Variants in CHLSN observed in about 807,000 individuals in gnomAD.
The protein encoded by CHLSN is cholesin.
At chr7:1,028,759 C>T in the CHLSN span, 1 of 849,688 alleles carries the variant, frequency 1.2e-6, no homozygotes, top group Non-Finnish European at 1.4e-6. Context: ...CCAGTCTGTC[C>T]CCATCTCCCC....
At chr7:1,090,424 C>T in the CHLSN span, among the ~76,000 whole-genome samples, 13 of 152,162 alleles carry the variant, frequency 8.5e-5, no homozygotes, top group Admixed American at 4.6e-4. Context: ...CGGGGTGACA[C>T]GGGGCAGGTG....
the CHLSN span, among the ~76,000 whole-genome samples, chr7:978,300 T>C: frequency 6.6e-6 from 1 of 152,168 alleles, no homozygotes; most frequent in Admixed American, 6.5e-5. Context: ...GGCGGACCAC[T>C]TGAGCCCAGG....
At chr7:1,079,327 A>G in the CHLSN span, among the ~76,000 whole-genome samples, 1 of 152,188 alleles carries the variant, frequency 6.6e-6, no homozygotes, top group Non-Finnish European at 1.5e-5. Flanking sequence ...CCACCTCCCT[A>G]TGGGGACACC....
chr7:987,719 T>C, the CHLSN span, among the ~76,000 whole-genome samples: 1 of 152,186 alleles, frequency 6.6e-6, no homozygotes, highest in Non-Finnish European at 1.5e-5. Flanking sequence ...GCCCAGCACT[T>C]GGCCTGGCCA....
chr7:1,117,622 G>A, the CHLSN span, among the ~76,000 whole-genome samples: 4 of 127,842 alleles, frequency 3.1e-5, no homozygotes, highest in African/African-American at 1.3e-4. Context: ...GCTCACGCAG[G>A]ATGATGACAT....
chr7:1,101,165 C>G, the CHLSN span, among the ~76,000 whole-genome samples: 1 of 152,284 alleles, frequency 6.6e-6, no homozygotes, highest in African/African-American at 2.4e-5. Flanking sequence ...TGCTCTCGCA[C>G]ACACCCAGGC....
the CHLSN span, among the ~76,000 whole-genome samples, chr7:1,097,165 C>T: frequency 6.6e-6 from 1 of 152,208 alleles, no homozygotes; most frequent in Non-Finnish European, 1.5e-5. This position sits in a 1 kb window ranked among gnomAD's most constrained non-coding sequence, Gnocchi z 4.3. Flanking sequence ...GACACACGCT[C>T]ACATGTTCCA....
chr7:1,136,011 T>G, the CHLSN span, among the ~76,000 whole-genome samples: 1 of 119,844 alleles, frequency 8.3e-6, no homozygotes, highest in Admixed American at 9.8e-5. Flanking sequence ...ATATATAAAA[T>G]ATATATGTAT....
the CHLSN span, among the ~76,000 whole-genome samples, chr7:1,076,395 CTCCGCA>C: frequency 6.6e-6 from 1 of 152,210 alleles, no homozygotes; most frequent in Non-Finnish European, 1.5e-5. Flanking sequence ...CTGCATGCTG[CTCCGCA>C]GGAGGCTGGG....
At chr7:1,010,816 G>A in the CHLSN span, among the ~76,000 whole-genome samples, 1 of 152,166 alleles carries the variant, frequency 6.6e-6, no homozygotes, top group Non-Finnish European at 1.5e-5. Context: ...GCCACGGGGT[G>A]ACCATGAGGT....
the CHLSN span, among the ~76,000 whole-genome samples, chr7:1,097,828 C>A: frequency 6.6e-6 from 1 of 152,154 alleles, no homozygotes; most frequent in African/African-American, 2.4e-5. This position sits in a 1 kb window ranked among gnomAD's most constrained non-coding sequence, Gnocchi z 4.3. Context: ...CATCTAGGAA[C>A]GCACAGCCTG....
the CHLSN span, chr7:1,127,221 C>G: frequency 1.9e-6 from 3 of 1,562,554 alleles, no homozygotes; most frequent in South Asian, 2.4e-5. Flanking sequence ...AGGTGGATCC[C>G]AGAGGGCAGG....
chr7:1,066,398 G>C, the CHLSN span, among the ~76,000 whole-genome samples: 2 of 152,226 alleles, frequency 1.3e-5, no homozygotes, highest in Non-Finnish European at 2.9e-5. Flanking sequence ...TGCCAGCTCC[G>C]GGCCATGCTG....
chr7:1,058,748 C>T, the CHLSN span: 32 of 564,298 alleles, frequency 5.7e-5, 2 homozygotes, highest in South Asian at 4.1e-4. Flanking sequence ...CTCCCAAACA[C>T]GCAGCTCAAG....
the CHLSN span, chr7:1,056,424 C>T: frequency 6.6e-6 from 1 of 152,468 alleles, no homozygotes; most frequent in African/African-American, 2.4e-5. Context: ...TGACCCACAC[C>T]TCCCGTCCTG....
chr7:1,081,464 G>A, the CHLSN span, among the ~76,000 whole-genome samples: 110 of 152,338 alleles, frequency 7.2e-4, no homozygotes, highest in African/African-American at 2.5e-3. Flanking sequence ...CAAACACGGC[G>A]GGCTCGAGCG....
At chr7:1,109,198 TTA>T in the CHLSN span, 2 of 152,198 alleles carry the variant, frequency 1.3e-5, no homozygotes, top group African/African-American at 4.8e-5. Context: ...TCCAGTATTT[TTA>T]TGTGTGTGAG....
the CHLSN span, among the ~76,000 whole-genome samples, chr7:1,115,178 T>C: frequency 6.6e-6 from 1 of 152,228 alleles, no homozygotes; most frequent in Admixed American, 6.5e-5. Flanking sequence ...TTATAATAAA[T>C]CTTTGCTGTT....
At chr7:1,008,417 G>A in the CHLSN span, among the ~76,000 whole-genome samples, 4 of 152,206 alleles carry the variant, frequency 2.6e-5, no homozygotes, top group African/African-American at 7.2e-5. Context: ...TGGGCCAAGC[G>A]CGTTCTTGGA....
Sources: gnomAD v4.1 joint callset for allele counts (sites outside exome capture counted in the v4.1 genomes callset) on GRCh38, gnomAD v4.1.1 for gene constraint, Gnocchi (gnomAD v3.1) non-coding constraint, MANE v1.5 for transcripts, NCBI Gene and HGNC (gene_info 2026-07-23, HGNC 2026-07-21) for gene names.